Variants in XYLT1 observed in about 807,000 individuals in gnomAD.
XYLT1 encodes xylosyltransferase 1, also known as beta-D-xylosyltransferase 1.
XYLT1 carries 36 observed loss-of-function variants against 91.3 expected under a neutral mutation model. The observed-to-expected ratio is 0.39, with a 90% CI of 0.30 to 0.52. The LOEUF (loss-of-function observed/expected upper bound fraction) is 0.52, where lower values mean the gene tolerates loss of function less well. XYLT1 is among the 20% of genes least tolerant of loss of function. The pLI is 0.68. For missense variants in XYLT1, 1,242 were observed against 1,284.5 expected (o/e 0.97, Z 0.51); for synonymous variants, 588 against 532.0 (o/e 1.11, Z -1.45).
At chr16:17,178,500 A>G (rs79500550) in intron 5 of XYLT1, among the ~76,000 whole-genome samples, 8,494 of 152,228 alleles carry the variant, frequency 0.056, 306 homozygotes, top group African/African-American at 0.072. Flanking sequence ...GCCTAGGAAG[A>G]TGGGTGAGTG....
intron 3 of XYLT1, among the ~76,000 whole-genome samples, chr16:17,249,102 T>C (rs372171821): frequency 6.6e-6 from 1 of 152,168 alleles, no homozygotes; most frequent in East Asian, 1.9e-4. Context: ...AGGACGGGGA[T>C]TCTATCTGCT....
chr16:17,130,882 G>GC (rs34873923), intron 9 of XYLT1, among the ~76,000 whole-genome samples: 144,939 of 152,210 alleles, frequency 0.95, 69,062 homozygotes, highest in Middle Eastern at 0.98. Flanking sequence ...GCTTTCTCTA[G>GC]CCCCCTTTTG....
At chr16:17,263,989 A>T (rs991891736) in intron 2 of XYLT1, among the ~76,000 whole-genome samples, 1 of 152,156 alleles carries the variant, frequency 6.6e-6, no homozygotes, top group Non-Finnish European at 1.5e-5. Context: ...GACTACTATG[A>T]TAATAACACT....
At chr16:17,459,657 T>A (rs924574029) in intron 1 of XYLT1, among the ~76,000 whole-genome samples, 7 of 152,216 alleles carry the variant, frequency 4.6e-5, no homozygotes, top group Non-Finnish European at 8.8e-5. Context: ...AGCTCCCTAA[T>A]GGTTTCCTTC....
chr16:17,382,677 T>C lies in XYLT1; in HGVS notation c.364-24627A>G, dbSNP rs2035696269. On this transcript the variant is annotated intron_variant, in intron 1 of 11. Coordinates refer to ENST00000261381, the MANE Select transcript of XYLT1 (RefSeq NM_022166.4). Reference sequence around the variant, plus strand: ...GTGTAACTGCCTCTGAATGCCCCCTTATCTACGTTTGAGTCAACCAGGATA... The same window carrying C: ...GTGTAACTGCCTCTGAATGCCCCCTCATCTACGTTTGAGTCAACCAGGATA... 1.3e-5 allele frequency among the ~76,000 whole-genome samples: 2 copies of C among 151,802 alleles called. 1 individual carries two copies. The highest frequency in any genetic ancestry group is 4.0e-4 in the East Asian group (2 of 5,038).
At chr16:17,304,770 A>G (rs1253480780) in intron 2 of XYLT1, among the ~76,000 whole-genome samples, 1 of 152,170 alleles carries the variant, frequency 6.6e-6, no homozygotes, top group African/African-American at 2.4e-5. Flanking sequence ...CTGCTTGGGA[A>G]GGTAACCTAT....
At chr16:17,350,627 G>A (rs2035207251) in intron 2 of XYLT1, among the ~76,000 whole-genome samples, 1 of 152,202 alleles carries the variant, frequency 6.6e-6, no homozygotes, top group Non-Finnish European at 1.5e-5. Flanking sequence ...CTCCCATAAG[G>A]AGGCTGACGG....
intron 6 of XYLT1, among the ~76,000 whole-genome samples, chr16:17,141,619 T>TA (rs1567293216): frequency 6.6e-6 from 1 of 152,130 alleles, no homozygotes; most frequent in East Asian, 1.9e-4. Flanking sequence ...CACTGAGGCT[T>TA]AGAGAGCCCA....
Position 17,134,679 on chromosome 16 carries a change from T to C in XYLT1, c.1821A>G (p.Glu607=). The C allele has an allele frequency of 6.2e-7, 1 of 1,614,138 alleles. No homozygotes were observed. Among genetic ancestry groups the C allele is most frequent in the South Asian group, 1.1e-5 (1 of 91,086 alleles). Residue 607 remains glutamate, a synonymous_variant, in exon 9 of 12, where the codon GAA becomes GAG. Transcript: ENST00000261381. ...GGTAATAGTCCAGCTGCCCAATGAT[T>C]TCCTGATTCACCACGGCTTCAAACT... ...ARKFEAVVNQ[E]IIGQLDYYLY... is the part of the protein sequence containing the mutation.
At chr16:17,448,235 G>A (rs2036618091) in intron 1 of XYLT1, among the ~76,000 whole-genome samples, 1 of 152,150 alleles carries the variant, frequency 6.6e-6, no homozygotes, top group South Asian at 2.1e-4. Flanking sequence ...AGGCGTGATG[G>A]CACATGCCTA....
intron 1 of XYLT1, among the ~76,000 whole-genome samples, chr16:17,398,768 G>A (rs999996104): frequency 2.0e-5 from 3 of 147,454 alleles, no homozygotes; most frequent in African/African-American, 7.6e-5. Context: ...CTCTGCCTTC[G>A]CCTTCACAAA....
chr16:17,451,710 G>A (rs745838120), intron 1 of XYLT1, among the ~76,000 whole-genome samples: 35 of 152,228 alleles, frequency 2.3e-4, no homozygotes, highest in South Asian at 4.1e-4. Context: ...TCCCATTTCC[G>A]CTGTGGAGTA....
intron 1 of XYLT1, among the ~76,000 whole-genome samples, chr16:17,414,149 TG>T (rs1312383646): frequency 6.6e-6 from 1 of 152,210 alleles, no homozygotes; most frequent in East Asian, 1.9e-4. Flanking sequence ...AAGCATGCTG[TG>T]CCTCTTCTTT....
intron 9 of XYLT1, among the ~76,000 whole-genome samples, chr16:17,132,222 G>T (rs1597140293): frequency 6.6e-6 from 1 of 152,326 alleles, no homozygotes; most frequent in East Asian, 1.9e-4. Flanking sequence ...CAGTGGGGGG[G>T]AGAGAGACTC....
chr16:17,348,211 G>A (rs374340231), intron 2 of XYLT1, among the ~76,000 whole-genome samples: 49 of 152,118 alleles, frequency 3.2e-4, no homozygotes, highest in African/African-American at 1.2e-3. Flanking sequence ...ACCCAACATG[G>A]AGACAGCAGG....
Position 17,470,683 on chromosome 16 carries a change from G to A in XYLT1, c.114C>T (p.Leu38=), listed in dbSNP as rs1367326593. ...CGCGGCGCTCCCCGGCCCCGGAGTC[G>A]AGGCTGCTGAAATTCCACACGACCA... ...QTLVVWNFSS[L]DSGAGERRGG... is the part of the protein sequence containing the mutation. Residue 38 remains leucine (L), a synonymous_variant, in exon 1 of 12, where the codon CTC becomes CTT. Coordinates refer to ENST00000261381, the MANE Select transcript of XYLT1 (RefSeq NM_022166.4). 3.5e-6 allele frequency: 4 copies of A among 1,158,906 alleles called. No homozygotes were observed. The highest frequency in any genetic ancestry group is 1.7e-5 in the African/African-American group (1 of 60,220). The allele number at this position is 1,158,906 out of a possible 1,614,324, so 71.8% of individuals were successfully genotyped here. A position where few individuals can be genotyped will look rare whatever the true frequency, so the allele number is the denominator to read the frequency against.
At chr16:17,156,988 C>T (rs1157707896) in intron 6 of XYLT1, among the ~76,000 whole-genome samples, 2 of 151,656 alleles carry the variant, frequency 1.3e-5, no homozygotes, top group Admixed American at 6.6e-5. Context: ...CCCTCTGTCA[C>T]CCAGGCTGGA....
At chr16:17,122,507 G>A (rs756542918) in intron 10 of XYLT1, among the ~76,000 whole-genome samples, 2 of 152,166 alleles carry the variant, frequency 1.3e-5, no homozygotes, top group Admixed American at 6.5e-5. Flanking sequence ...TGGATCTACA[G>A]ATTGCAAAGA....
Position 17,276,434 on chromosome 16 carries a change from G to A in XYLT1, c.403-16936C>T, listed in dbSNP as rs577580623. Among the ~76,000 whole-genome samples, 40 of 152,252 alleles carry A rather than the reference G, an allele frequency of 2.6e-4. 1 individual carries two copies. The highest frequency in any genetic ancestry group is 6.8e-3 in the Middle Eastern group (2 of 294). On this transcript the variant is annotated intron_variant, in intron 2 of 11. Transcript: ENST00000261381. ...CAGCAGTGCCTACACTCAAGCTTTT[G>A]GAAAATGATTTCTGCAGCCTGGACT...
Sources: allele counts gnomAD v4.1 joint callset (sites outside exome capture counted in the v4.1 genomes callset), GRCh38; gene constraint gnomAD v4.1.1; transcripts MANE v1.5; gene names NCBI Gene and HGNC (gene_info 2026-07-23, HGNC 2026-07-21).